ZFYVE28: variants seen among roughly 807,000 people sequenced by gnomAD.
ZFYVE28 encodes the protein lateral signaling target protein 2 homolog.
In ZFYVE28, 40 loss-of-function variants were observed where a neutral mutation model predicts 82.1. The observed-to-expected ratio is 0.49, with a 90% confidence interval of 0.38 to 0.63. ZFYVE28 has a LOEUF of 0.63. Ranked by LOEUF, ZFYVE28 falls within the 30% of genes least tolerant of loss-of-function variation. The pLI is 0.00. For synonymous variants in ZFYVE28, 612 were observed against 546.1 expected (o/e 1.12, Z -1.68); for missense variants, 1,321 against 1,242.1 (o/e 1.06, Z -0.96).
chr4:2,319,793 T>TTGGGGACGG (rs1430925056), intron 7 of ZFYVE28, among the ~76,000 whole-genome samples: 9 of 124,516 alleles, frequency 7.2e-5, no homozygotes, highest in African/African-American at 1.2e-4. Flanking sequence ...AGCAAGCGCT[T>TTGGGGACGG]TGGGGACGGT....
At chr4:2,333,564 G>A (rs1276026653) in intron 6 of ZFYVE28, among the ~76,000 whole-genome samples, 1 of 152,102 alleles carries the variant, frequency 6.6e-6, no homozygotes, top group African/African-American at 2.4e-5. Flanking sequence ...GGGGTCACCT[G>A]CACACTCCAG....
chr4:2,395,937 AC>A lies in ZFYVE28; in HGVS notation c.39+22347del, dbSNP rs372847253. Among the ~76,000 whole-genome samples the A allele has an allele frequency of 2.1e-3, 319 of 152,126 alleles. 1 individual carries two copies. Among genetic ancestry groups the A allele is most frequent in the African/African-American group, 7.3e-3 (304 of 41,500 alleles). On this transcript the variant is annotated intron_variant, in intron 1 of 12. Coordinates refer to ENST00000290974, the MANE Select transcript of ZFYVE28 (RefSeq NM_020972.3). ...TGTGCATTGTGGGATGGCTAGCAGC[AC>A]CCCCCACACTACATGACATTGCCTG...
intron 1 of ZFYVE28, among the ~76,000 whole-genome samples, chr4:2,379,314 C>T (rs758068328): frequency 7.9e-5 from 12 of 152,180 alleles, no homozygotes; most frequent in Non-Finnish European, 1.3e-4. Context: ...CTGTCAGACC[C>T]GGGAGCAGGT....
chr4:2,305,593 T>A, intron 7 of ZFYVE28, 57 bp from the exon 8 acceptor site: 1 of 1,601,890 alleles, frequency 6.2e-7, no homozygotes, highest in African/African-American at 1.3e-5. Flanking sequence ...CCAGCCTCCT[T>A]GGCCAGGAGT....
chr4:2,379,500 T>C (rs1188321858), intron 1 of ZFYVE28, among the ~76,000 whole-genome samples: 3 of 152,174 alleles, frequency 2.0e-5, no homozygotes, highest in Non-Finnish European at 4.4e-5. Context: ...ATTATAATCA[T>C]TGACATTTAG....
chr4:2,306,588 G>A (rs1716609289), intron 7 of ZFYVE28, among the ~76,000 whole-genome samples: 1 of 152,040 alleles, frequency 6.6e-6, no homozygotes, highest in South Asian at 2.1e-4. Context: ...ATAAAATATA[G>A]GACACCCAGT....
rs986041539 is a variant in ZFYVE28 at position 2,392,951 on chromosome 4, T to C, written c.39+25334A>G. ...ATGTAGAATCGACCCTGGCTGGAAT[T>C]ACAAGAAAAGAAAAAAGCTTTTATC... is the stretch of plus-strand genomic sequence containing the variant. On this transcript the variant is annotated intron_variant, in intron 1 of 12. Coordinates refer to ENST00000290974, the MANE Select transcript of ZFYVE28 (RefSeq NM_020972.3). Among the ~76,000 whole-genome samples, 21 of 152,194 alleles carry C rather than the reference T, an allele frequency of 1.4e-4. 1 individual carries two copies. The highest frequency in any genetic ancestry group is 1.2e-3 in the Admixed American group (19 of 15,280).
intron 8 of ZFYVE28, among the ~76,000 whole-genome samples, chr4:2,281,284 A>C (rs1711934909): frequency 6.6e-6 from 1 of 152,190 alleles, no homozygotes; most frequent in South Asian, 2.1e-4. Context: ...GATTTCACCG[A>C]GAGCATGAGC....
rs566243085 is a variant in ZFYVE28 at position 2,414,230 on chromosome 4, C to A, written c.39+4055G>T. Among the ~76,000 whole-genome samples, 3 of 152,382 alleles carry A rather than the reference C, an allele frequency of 2.0e-5. No homozygotes were observed. In the South Asian group the frequency reaches 6.2e-4, roughly 32 times the overall value. ...GGCTGGGTTAACAAGAGCCGAAGGG[C>A]AGGAAGTCCCATACTCAGTACTGCT... On this transcript the variant is annotated intron_variant, in intron 1 of 12. Transcript: ENST00000290974.
At position 2,362,999 on chromosome 4, in the gene ZFYVE28, C is replaced by T. The variant is rs965302031; in HGVS notation, c.40-8926G>A. Among the ~76,000 whole-genome samples the T allele has an allele frequency of 8.2e-5, 12 of 145,578 alleles. No homozygotes were observed. The highest frequency in any genetic ancestry group is 2.2e-4 in the South Asian group (1 of 4,602). ...CAAGCCCTGGGCTCATCACCATCCC[C>T]GTGGTCCCCTCAACCCCATTACATG... On this transcript the variant is annotated intron_variant, in intron 1 of 12. Coordinates refer to ENST00000290974, the MANE Select transcript of ZFYVE28 (RefSeq NM_020972.3). This position sits in a 1 kb window ranked among gnomAD's most constrained non-coding sequence, Gnocchi z 5.1.
intron 7 of ZFYVE28, among the ~76,000 whole-genome samples, chr4:2,306,457 C>T (rs1716587671): frequency 1.3e-5 from 2 of 152,238 alleles, no homozygotes; most frequent in African/African-American, 4.8e-5. Context: ...ATGACACCAT[C>T]CTGACTCCAT....
In ZFYVE28 at chr4:2,318,466, G is replaced by A. The variant is rs181111658; in HGVS notation, c.803+1704C>T. Among the ~76,000 whole-genome samples the A allele has an allele frequency of 9.8e-5, 15 of 152,358 alleles. No homozygotes were observed. The East Asian group carries it at 2.9e-3, about 29-fold the overall frequency. ...CCAGCTACTCAGGAGGCTGAGGCAG[G>A]AGAATCTCTTGAACTTGGAGGCGGA... is the stretch of plus-strand genomic sequence containing the variant. On this transcript the variant is annotated intron_variant, in intron 7 of 12. Coordinates refer to ENST00000290974, the MANE Select transcript of ZFYVE28 (RefSeq NM_020972.3).
chr4:2,392,518 G>T (rs775264749), intron 1 of ZFYVE28, among the ~76,000 whole-genome samples: 18 of 152,282 alleles, frequency 1.2e-4, no homozygotes, highest in Middle Eastern at 6.8e-3. Flanking sequence ...ATTTGGGAAC[G>T]AACTCATTTA....
rs2108895203 is a variant in ZFYVE28, at chr4:2,362,997, C to A, written c.40-8924G>T. 6.9e-6 allele frequency among the ~76,000 whole-genome samples: 1 copy of A among 145,662 alleles called. No individual in the cohort carries two copies. Among genetic ancestry groups the A allele is most frequent in the African/African-American group, 2.5e-5 (1 of 39,794 alleles). On this transcript the variant is annotated intron_variant, in intron 1 of 12. Transcript: ENST00000290974. The surrounding 1 kb of genome is among the most constrained non-coding windows in gnomAD (Gnocchi z 5.1). ...ACCAAGCCCTGGGCTCATCACCATC[C>A]CCGTGGTCCCCTCAACCCCATTACA...
intron 2 of ZFYVE28, chr4:2,343,392 T>G (rs1723089661): frequency 6.6e-6 from 1 of 152,094 alleles, no homozygotes; most frequent in Non-Finnish European, 1.5e-5. Flanking sequence ...TCACTATGAG[T>G]GGGGAAGCAT....
rs1006595291 is a variant in ZFYVE28 at position 2,335,352 on chromosome 4, T to C, written c.701+353A>G. ...AAGTCTGCCTCCCACAGCCCCTGCG[T>C]GGCCACTCTGTTCCGAGCATGACCC... On this transcript the variant is annotated intron_variant, in intron 6 of 12. Coordinates refer to ENST00000290974, the MANE Select transcript of ZFYVE28 (RefSeq NM_020972.3). This position sits in a 1 kb window ranked among gnomAD's most constrained non-coding sequence, Gnocchi z 5.8. Among the ~76,000 whole-genome samples, 85 of 152,286 alleles carry C rather than the reference T, an allele frequency of 5.6e-4. 1 individual carries two copies. The highest frequency in any genetic ancestry group is 2.3e-3 in the Admixed American group (35 of 15,304).
Position 2,341,415 on chromosome 4 carries a change from G to A in ZFYVE28, c.318+63C>T, listed in dbSNP as rs548336256. On this transcript the variant is annotated intron_variant, in intron 3 of 12. Coordinates refer to ENST00000290974, the MANE Select transcript of ZFYVE28 (RefSeq NM_020972.3). This position sits in a 1 kb window ranked among gnomAD's most constrained non-coding sequence, Gnocchi z 4.5. ...CTGCAGGCGCCCATGCACAAGGTTC[G>A]CAGGGACTTGGCTAGACGCCACCCC... 60 of 1,594,198 alleles carry A rather than the reference G, an allele frequency of 3.8e-5. No individual in the cohort carries two copies. Among genetic ancestry groups the A allele is most frequent in the South Asian group, 9.0e-5 (8 of 89,008 alleles).
intron 1 of ZFYVE28, among the ~76,000 whole-genome samples, chr4:2,402,578 A>C (rs1731313803): frequency 2.0e-5 from 3 of 152,210 alleles, no homozygotes; most frequent in African/African-American, 7.2e-5. Flanking sequence ...AGCCCGGGGA[A>C]GTGGCCGGCA....
intron 1 of ZFYVE28, among the ~76,000 whole-genome samples, chr4:2,385,222 G>A (rs965118502): frequency 6.6e-6 from 1 of 152,188 alleles, no homozygotes; most frequent in Non-Finnish European, 1.5e-5. Context: ...ACAGACCTGG[G>A]CCATGGAGGA....
Sources: allele counts gnomAD v4.1 joint callset (sites outside exome capture counted in the v4.1 genomes callset), GRCh38; gene constraint gnomAD v4.1.1; non-coding constraint Gnocchi (gnomAD v3.1); transcripts MANE v1.5; gene names NCBI Gene and HGNC (gene_info 2026-07-23, HGNC 2026-07-21).